The following PRKCQ variants were observed in gnomAD, a reference collection of about 807,000 sequenced individuals.
PRKCQ encodes protein kinase C theta type.
Under a neutral mutation model 91.2 loss-of-function variants are expected in PRKCQ, and 41 were observed. The observed-to-expected ratio is 0.45, with a 90% CI of 0.35 to 0.58. The LOEUF is 0.58. Ranked by LOEUF, PRKCQ falls within the 20% of genes least tolerant of loss-of-function variation. PRKCQ has a pLI of 0.00. For missense variants in PRKCQ, 673 were observed against 896.5 expected (o/e 0.75, Z 3.18); for synonymous variants, 307 against 316.9 (o/e 0.97, Z 0.33).
chr10:6,565,187 G>C (rs193114486), intron 1 of PRKCQ, among the ~76,000 whole-genome samples: 2 of 152,218 alleles, frequency 1.3e-5, no homozygotes, highest in African/African-American at 4.8e-5. Flanking sequence ...TGGGTGTCTT[G>C]AGATAGCACA....
intron 2 of PRKCQ, chr10:6,512,250 T>C (rs1214917342): frequency 6.6e-6 from 1 of 152,234 alleles, no homozygotes; most frequent in Non-Finnish European, 1.5e-5. Context: ...GAAGATACAT[T>C]TTACATGTAC....
At chr10:6,532,830 G>C (rs919025756) in intron 1 of PRKCQ, among the ~76,000 whole-genome samples, 5 of 152,092 alleles carry the variant, frequency 3.3e-5, no homozygotes, top group African/African-American at 4.8e-5. Context: ...AAGAGATATT[G>C]GTAATTTATT....
At chr10:6,459,935 ATGAAT>A (rs1297748765) in intron 14 of PRKCQ, among the ~76,000 whole-genome samples, 1 of 152,260 alleles carries the variant, frequency 6.6e-6, no homozygotes. Context: ...AAAGAAAGAA[ATGAAT>A]TGAATCCTTT....
chr10:6,430,975 G>C lies in PRKCQ; in HGVS notation c.1837-37C>G. On this transcript the variant is annotated intron_variant, in intron 16 of 17. Coordinates refer to ENST00000263125, the MANE Select transcript of PRKCQ (RefSeq NM_006257.5). The surrounding 1 kb of genome is among the most constrained non-coding windows in gnomAD (Gnocchi z 4.7). ...CAGAGCAGGAGCCCTGAGGTCTCCA[G>C]GGATGACCCTTTTGCATCAGGAGGT... The C allele has an allele frequency of 6.2e-7, 1 of 1,600,260 alleles. No homozygotes were observed. Among genetic ancestry groups the C allele is most frequent in the Non-Finnish European group, 8.5e-7 (1 of 1,172,904 alleles).
the PRKCQ span, among the ~76,000 whole-genome samples, chr10:6,395,830 G>A: frequency 6.6e-6 from 1 of 152,046 alleles, no homozygotes; most frequent in East Asian, 1.9e-4. Flanking sequence ...CAACATTGCC[G>A]AGGTCCTGAC....
In PRKCQ at chr10:6,441,221, A is replaced by C. The variant is rs957506817; in HGVS notation, c.1836+672T>G. Among the ~76,000 whole-genome samples, 6 of 152,006 alleles carry C rather than the reference A, an allele frequency of 3.9e-5. No individual in the cohort carries two copies. The South Asian group carries it at 6.2e-4, about 16-fold the overall frequency. Reference sequence around the variant, plus strand: ...AAAAGACTGAGTAAAATAAAAAAAAACCCTCTATATAACATAAATGCCCAT... The same window carrying C: ...AAAAGACTGAGTAAAATAAAAAAAACCCCTCTATATAACATAAATGCCCAT... On this transcript the variant is annotated intron_variant, in intron 16 of 17. Coordinates refer to ENST00000263125, the MANE Select transcript of PRKCQ (RefSeq NM_006257.5).
Position 6,502,353 on chromosome 10 carries a change from T to C in PRKCQ, c.380-3795A>G, listed in dbSNP as rs548334657. Among the ~76,000 whole-genome samples the C allele has an allele frequency of 5.0e-4, 76 of 152,260 alleles. 1 individual carries two copies. In the South Asian group the frequency reaches 0.013, roughly 26 times the overall value. ...ACTCCTACTAATGTGTGGGAGAAGGTATGGTGGGGAAAAGCCAAAGGTGCT... is the reference window on the plus strand; with the variant it reads ...ACTCCTACTAATGTGTGGGAGAAGGCATGGTGGGGAAAAGCCAAAGGTGCT... On this transcript the variant is annotated intron_variant, in intron 4 of 17. Coordinates refer to ENST00000263125, the MANE Select transcript of PRKCQ (RefSeq NM_006257.5).
At chr10:6,437,818 A>T (rs1833776508) in intron 16 of PRKCQ, among the ~76,000 whole-genome samples, 2 of 151,520 alleles carry the variant, frequency 1.3e-5, no homozygotes, top group Admixed American at 6.6e-5. Context: ...CACCTGGCTA[A>T]TTTTTTTTGT....
chr10:6,403,515 C>G, the PRKCQ span, among the ~76,000 whole-genome samples: 2 of 152,172 alleles, frequency 1.3e-5, no homozygotes, highest in South Asian at 4.1e-4. Flanking sequence ...TCCCGGCTCA[C>G]TCTCAGGTTT....
the PRKCQ span, among the ~76,000 whole-genome samples, chr10:6,404,612 TTTCTTTCTCTCTTTCCTTTCTTCC>T: frequency 1.3e-5 from 2 of 150,112 alleles, no homozygotes; most frequent in East Asian, 3.9e-4. Context: ...TCTTTCTCTC[TTTCTTTCTCTCTTTCCTTTCTTCC>T]TTCCTTTCTT....
Position 6,430,868 on chromosome 10 carries a change from T to C in PRKCQ, c.1907A>G (p.Glu636Gly). The change falls in exon 17 of 18, where the codon GAG becomes GGG. Residue 636 changes from glutamate to glycine, a missense_variant. By Grantham distance (98) the Glu-to-Gly change is moderately conservative. Coordinates refer to ENST00000263125, the MANE Select transcript of PRKCQ (RefSeq NM_006257.5). This position sits in a 1 kb window ranked among gnomAD's most constrained non-coding sequence, Gnocchi z 4.7. The stretch of plus-strand genomic sequence containing the variant: ...CCGTTCAAGTTCCTCCCAGTTGATC[T>C]CCCGAAACAAAGGGTGCTGGCGGAT... ...GDIRQHPLFR[E>G]INWEELERKE... 1 of 1,614,148 alleles carries C rather than the reference T, an allele frequency of 6.2e-7. No individual in the cohort carries two copies. Among genetic ancestry groups the C allele is most frequent in the Non-Finnish European group, 8.5e-7 (1 of 1,180,022 alleles).
chr10:6,553,507 A>C (rs1250684135), intron 1 of PRKCQ, among the ~76,000 whole-genome samples: 2 of 145,378 alleles, frequency 1.4e-5, no homozygotes, highest in African/African-American at 5.5e-5. Flanking sequence ...AAAAAAAAAA[A>C]AAAAAAAAAA....
intron 12 of PRKCQ, among the ~76,000 whole-genome samples, chr10:6,476,313 CA>C (rs34526387): frequency 0.018 from 2,129 of 115,970 alleles, 36 homozygotes; most frequent in African/African-American, 0.058. Context: ...ACATGCAAAT[CA>C]AAAAAAAAAA....
At chr10:6,413,776 G>GCA in the PRKCQ span, among the ~76,000 whole-genome samples, 61 of 108,488 alleles carry the variant, frequency 5.6e-4, no homozygotes, top group African/African-American at 2.3e-3. Flanking sequence ...TGCCACTTGT[G>GCA]CACACACACA....
rs1977426 is a variant in PRKCQ, at chr10:6,531,505, G to A, written c.-9-16361C>T. Among the ~76,000 whole-genome samples the A allele has an allele frequency of 7.1e-3, 1,063 of 150,710 alleles. 37 individuals are homozygous for A. The highest frequency in any genetic ancestry group is 0.054 in the Admixed American group (814 of 15,116). On this transcript the variant is annotated intron_variant, in intron 1 of 17. Transcript: ENST00000263125. The stretch of plus-strand genomic sequence containing the variant: ...AGCACCCCCCCAAAACCAATAGTGC[G>A]GAGGCTGAGAAACCCTGTTCTAAAT...
At chr10:6,520,337 T>G (rs1266002425) in intron 1 of PRKCQ, among the ~76,000 whole-genome samples, 1 of 152,084 alleles carries the variant, frequency 6.6e-6, no homozygotes, top group Non-Finnish European at 1.5e-5. Context: ...CCCACTTGCT[T>G]CATCTCCTGC....
chr10:6,571,992 C>T (rs1286941631), intron 1 of PRKCQ, among the ~76,000 whole-genome samples: 1 of 152,110 alleles, frequency 6.6e-6, no homozygotes, highest in South Asian at 2.1e-4. Flanking sequence ...TAATCTGTGA[C>T]CCTAGATCAA....
At chr10:6,442,212 C>T (rs1834006435) in intron 15 of PRKCQ, 131 bp from the exon 16 acceptor site, 1 of 892,564 alleles carries the variant, frequency 1.1e-6, no homozygotes, top group Non-Finnish European at 1.6e-6. Flanking sequence ...ACCCTGAAAC[C>T]CATCTCTTGG....
chr10:6,468,730 A>G (rs1028080629), intron 12 of PRKCQ, among the ~76,000 whole-genome samples: 22 of 152,272 alleles, frequency 1.4e-4, no homozygotes, highest in African/African-American at 5.3e-4. Context: ...AATAAAATTA[A>G]GATCAAAATA....
Sources: gnomAD v4.1 joint callset for allele counts (sites outside exome capture counted in the v4.1 genomes callset) on GRCh38, gnomAD v4.1.1 for gene constraint, Gnocchi (gnomAD v3.1) non-coding constraint, MANE v1.5 for transcripts, NCBI Gene and HGNC (gene_info 2026-07-23, HGNC 2026-07-21) for gene names.